Variants in CACNA1G observed in about 807,000 individuals in gnomAD.
CACNA1G encodes voltage-dependent T-type calcium channel subunit alpha-1G.
A neutral mutation model predicts 219.4 loss-of-function variants in CACNA1G; 67 were observed. That is an observed-to-expected ratio of 0.31 (90% confidence interval 0.25 to 0.37). CACNA1G has a LOEUF of 0.37. Among genes scored for constraint, CACNA1G ranks in the 10% least tolerant of loss-of-function variants. The pLI is 1.00. For missense variants in CACNA1G, 2,380 were observed against 3,231.4 expected (o/e 0.74, Z 6.39); for synonymous variants, 1,296 against 1,345.3 (o/e 0.96, Z 0.80).
chr17:50,610,366 T>C (rs1008183734), intron 26 of CACNA1G, among the ~76,000 whole-genome samples: 12 of 152,130 alleles, frequency 7.9e-5, no homozygotes, highest in African/African-American at 2.9e-4. Context: ...AATGTAACAA[T>C]GAATAATTGA....
intron 9 of CACNA1G, among the ~76,000 whole-genome samples, chr17:50,587,365 C>A (rs551235793): frequency 7.2e-4 from 110 of 152,320 alleles, no homozygotes; most frequent in Admixed American, 1.7e-3. Flanking sequence ...ACGAGGAGGT[C>A]TTCAGCCTAG....
rs757935818 is a variant in CACNA1G, at chr17:50,578,467, C to A, written c.2204C>A (p.Thr735Asn). Residue 735 changes from threonine to asparagine, a missense_variant, in exon 9 of 38, where the codon ACC (threonine) becomes AAC (asparagine). Around this residue, in one of 17 missense-constraint regions of CACNA1G, gnomAD observed 434 missense variants for 417.3 expected, o/e 1.04. Transcript: ENST00000359106. This position sits in a 1 kb window ranked among gnomAD's most constrained non-coding sequence, Gnocchi z 4.5. ...VLAFWRLICD[T>N]FRKIVDSKYF... is the part of the protein sequence containing the mutation. ...GCCTTCTGGAGGCTAATCTGTGACA[C>A]CTTCCGAAAGATTGTGGACAGCAAG... 4 of 1,595,486 alleles carry A rather than the reference C, an allele frequency of 2.5e-6. No homozygotes were observed. In the African/African-American group the frequency reaches 4.0e-5, roughly 16 times the overall value.
At chr17:50,613,837 C>T (rs2049819954) in intron 26 of CACNA1G, among the ~76,000 whole-genome samples, 1 of 152,124 alleles carries the variant, frequency 6.6e-6, no homozygotes. Flanking sequence ...CCCGGCCCAC[C>T]CTCCACCATC....
At chr17:50,602,763 C>T (rs2047010567) in intron 19 of CACNA1G, 57 bp from the exon 20 acceptor site, 2 of 1,534,506 alleles carry the variant, frequency 1.3e-6, no homozygotes, top group Non-Finnish European at 1.8e-6. Flanking sequence ...GCAGAGCAGA[C>T]CTGGCCCAAG....
chr17:50,617,587 A>G lies in CACNA1G; in HGVS notation c.5155+16A>G. The G allele has an allele frequency of 6.2e-7, 1 of 1,612,974 alleles. No homozygotes were observed. The highest frequency in any genetic ancestry group is 8.5e-7 in the Non-Finnish European group (1 of 1,179,330). On this transcript the variant is annotated intron_variant, in intron 29 of 37. Transcript: ENST00000359106. This position sits in a 1 kb window ranked among gnomAD's most constrained non-coding sequence, Gnocchi z 5.8. ...ATTGCCCGAGGTTGGTGCCCAGCCC[A>G]CGCACCTGCCCTCCTAGGGTGACCA...
chr17:50,585,749 C>T (rs535768431), intron 9 of CACNA1G, among the ~76,000 whole-genome samples: 8 of 152,276 alleles, frequency 5.3e-5, no homozygotes, highest in South Asian at 2.1e-4. Flanking sequence ...CTCCTGCCAC[C>T]GAGGTGTTCC....
chr17:50,627,349 A>G lies in CACNA1G; in HGVS notation c.*598A>G, dbSNP rs985639875. The G allele has an allele frequency of 2.3e-5, 8 of 346,330 alleles. No individual in the cohort carries two copies. The highest frequency in any genetic ancestry group is 4.0e-5 in the Non-Finnish European group (7 of 177,024). 21.5% of individuals were successfully genotyped at this position (346,330 alleles called of 1,614,324 possible). A position where few individuals can be genotyped will look rare whatever the true frequency, so the allele number is the denominator to read the frequency against. On this transcript the variant is annotated 3_prime_UTR_variant, in exon 38 of 38. Coordinates refer to ENST00000359106, the MANE Select transcript of CACNA1G (RefSeq NM_018896.5). ...AACCTCGTCATCATTTTCTGTAGGG[A>G]AAAAAAAAAGAAAAAGAAAAAATGA...
chr17:50,561,434 C>A lies in CACNA1G; in HGVS notation c.-26C>A, dbSNP rs2035551778. On this transcript the variant is annotated 5_prime_UTR_variant, in exon 1 of 38. Coordinates refer to ENST00000359106, the MANE Select transcript of CACNA1G (RefSeq NM_018896.5). The stretch of plus-strand genomic sequence containing the variant: ...GGGCGCCGCTTGCCCCTCTCCGGAT[C>A]GCCCGGGGCCCCGGCTGGCCAGAGG... 4 of 1,533,192 alleles carry A rather than the reference C, an allele frequency of 2.6e-6. No homozygotes were observed. The highest frequency in any genetic ancestry group is 1.4e-5 in the African/African-American group (1 of 72,918). The allele number at this position is 1,533,192 out of a possible 1,614,324, so 95.0% of individuals were successfully genotyped here.
intron 25 of CACNA1G, 35 bp downstream of exon 25, chr17:50,608,054 C>T: frequency 6.4e-7 from 1 of 1,562,332 alleles, no homozygotes; most frequent in Non-Finnish European, 8.7e-7. Flanking sequence ...GGTAGTCTTT[C>T]CACCTCTCTC....
chr17:50,575,942 G>T lies in CACNA1G; in HGVS notation c.1540G>T (p.Ala514Ser). Reference protein sequence around the residue: ...HYHLGNGTLRAPRASPEIQDR... With the variant: ...HYHLGNGTLRSPRASPEIQDR... ...CCACCTGGGCAATGGGACGCTCAGGGCCCCCCGGGCCAGCCCGGAGATCCA... is the reference window on the plus strand; with the variant it reads ...CCACCTGGGCAATGGGACGCTCAGGTCCCCCCGGGCCAGCCCGGAGATCCA... The change falls in exon 8 of 38, where the codon GCC becomes TCC. Residue 514 changes from alanine to serine, a missense_variant. Transcript: ENST00000359106. The T allele has an allele frequency of 6.4e-7, 1 of 1,552,714 alleles. No homozygotes were observed.
At chr17:50,605,064 A>G (rs1320845180) in intron 22 of CACNA1G, among the ~76,000 whole-genome samples, 1 of 151,928 alleles carries the variant, frequency 6.6e-6, no homozygotes, top group Admixed American at 6.6e-5. Context: ...TGCATTTACC[A>G]AAGCTGTGTG....
intron 28 of CACNA1G, among the ~76,000 whole-genome samples, chr17:50,616,683 C>T (rs1259704895): frequency 2.0e-5 from 3 of 152,212 alleles, no homozygotes; most frequent in African/African-American, 7.2e-5. Context: ...ACTGCCTGAA[C>T]TGGATTTGAA....
chr17:50,602,674 G>C, intron 19 of CACNA1G, 146 bp from the exon 20 acceptor site: 2 of 678,714 alleles, frequency 2.9e-6, no homozygotes. Flanking sequence ...GTGTATGAGA[G>C]GGGCGTGATC....
At position 50,596,730 on chromosome 17, in the gene CACNA1G, T is replaced by C. The variant is rs1262119564; in HGVS notation, c.3065T>C (p.Leu1022Ser). The C allele has an allele frequency of 3.1e-6, 5 of 1,613,472 alleles. No individual in the cohort carries two copies. The highest frequency in any genetic ancestry group is 4.2e-6 in the Non-Finnish European group (5 of 1,179,786). The change falls in exon 16 of 38, where the codon TTG (leucine) becomes TCG (serine). Residue 1022 changes from leucine to serine, a missense_variant and splice_region_variant. Leu to Ser is a moderately radical substitution (Grantham distance 145, BLOSUM62 -2). This residue lies in a region of CACNA1G where 418 missense variants were observed against 434.3 expected (regional missense o/e 0.96). Transcript: ENST00000359106. The surrounding 1 kb of genome is among the most constrained non-coding windows in gnomAD (Gnocchi z 4.8). Reference protein sequence around the residue: ...GDGDRKKCLALVSLGEHPELR... With the variant: ...GDGDRKKCLASVSLGEHPELR... ...GATCTCTCCCTCTCTCCCCGTGCAGTGGTGTCCCTGGGAGAGCACCCGGAG... is the reference window on the plus strand; with the variant it reads ...GATCTCTCCCTCTCTCCCCGTGCAGCGGTGTCCCTGGGAGAGCACCCGGAG...
chr17:50,592,915 C>T (rs1208893306), intron 13 of CACNA1G, among the ~76,000 whole-genome samples: 1 of 152,200 alleles, frequency 6.6e-6, no homozygotes, highest in East Asian at 1.9e-4. Flanking sequence ...AAATACCTGG[C>T]ACACGGTGGA....
intron 9 of CACNA1G, among the ~76,000 whole-genome samples, chr17:50,581,675 G>A (rs1378535775): frequency 1.3e-5 from 2 of 152,254 alleles, no homozygotes; most frequent in African/African-American, 4.8e-5. Context: ...AGCTGGAGGA[G>A]AACTGGCAGG....
chr17:50,579,995 T>A (rs1057190060), intron 9 of CACNA1G, among the ~76,000 whole-genome samples: 10 of 151,912 alleles, frequency 6.6e-5, no homozygotes, highest in Non-Finnish European at 1.0e-4. Flanking sequence ...AGCACCCAGC[T>A]TTTACCCAAG....
At chr17:50,592,160 G>A (rs1213321987) in intron 13 of CACNA1G, 68 bp downstream of exon 13, 18 of 1,511,012 alleles carry the variant, frequency 1.2e-5, no homozygotes, top group Admixed American at 1.9e-5. Context: ...TGCCTGTCTT[G>A]AGCCTCCTCC....
intron 24 of CACNA1G, 126 bp from the exon 25 acceptor site, chr17:50,607,701 T>A: frequency 1.3e-6 from 1 of 741,790 alleles, no homozygotes; most frequent in South Asian, 1.6e-5. Flanking sequence ...ACCCACACCA[T>A]TCATTTCCAT....
Sources: gnomAD v4.1 joint callset for allele counts (sites outside exome capture counted in the v4.1 genomes callset) on GRCh38, gnomAD v4.1.1 for gene constraint, gnomAD v4.1.1 regional missense constraint, Gnocchi (gnomAD v3.1) non-coding constraint, MANE v1.5 for transcripts, NCBI Gene and HGNC (gene_info 2026-07-23, HGNC 2026-07-21) for gene names.